Variants in TRABD2B observed in about 807,000 individuals in gnomAD.
TRABD2B encodes the protein TraB domain containing 2B.
Under a neutral mutation model 40.1 loss-of-function variants are expected in TRABD2B, and 14 were observed. The ratio of observed to expected loss-of-function variants is 0.35; its 90% CI spans 0.23 to 0.55. TRABD2B has a LOEUF of 0.55. TRABD2B is among the 20% of genes least tolerant of loss of function. The pLI is 0.90. For missense variants in TRABD2B, 541 were observed against 648.6 expected (o/e 0.83, Z 1.80); for synonymous variants, 263 against 277.0 (o/e 0.95, Z 0.50).
chr1:47,848,809 A>G (rs1645507250), intron 2 of TRABD2B, among the ~76,000 whole-genome samples: 1 of 152,210 alleles, frequency 6.6e-6, no homozygotes. Flanking sequence ...GTCTGGCTGT[A>G]TGGTTCTAAT....
At chr1:47,928,907 TG>T (rs1163820247) in intron 2 of TRABD2B, among the ~76,000 whole-genome samples, 2 of 152,252 alleles carry the variant, frequency 1.3e-5, no homozygotes, top group African/African-American at 2.4e-5. Flanking sequence ...CTGTTGGAAT[TG>T]ATCTCCCAGG....
At chr1:47,946,297 A>G (rs1267383855) in intron 2 of TRABD2B, among the ~76,000 whole-genome samples, 1 of 152,190 alleles carries the variant, frequency 6.6e-6, no homozygotes, top group African/African-American at 2.4e-5. Context: ...GTTCTTTATC[A>G]GATATGTAAT....
At chr1:47,845,341 G>C (rs1195146832) in intron 2 of TRABD2B, among the ~76,000 whole-genome samples, 3 of 152,092 alleles carry the variant, frequency 2.0e-5, no homozygotes, top group Non-Finnish European at 4.4e-5. Context: ...TTAATATTAG[G>C]ATAATAACAA....
chr1:47,782,081 A>G (rs905959024), intron 4 of TRABD2B, among the ~76,000 whole-genome samples: 1 of 152,166 alleles, frequency 6.6e-6, no homozygotes, highest in African/African-American at 2.4e-5. Context: ...CACAATGCTG[A>G]CCACTCTGGA....
chr1:47,843,179 G>A (rs1645422384), intron 2 of TRABD2B, among the ~76,000 whole-genome samples: 4 of 152,160 alleles, frequency 2.6e-5, no homozygotes. Flanking sequence ...TTTCCTTAGA[G>A]CAAGGAGGGA....
chr1:47,935,712 A>G (rs1237729886), intron 2 of TRABD2B, among the ~76,000 whole-genome samples: 1 of 152,218 alleles, frequency 6.6e-6, no homozygotes, highest in African/African-American at 2.4e-5. Flanking sequence ...TCCTACTTTT[A>G]AATACCATAT....
At chr1:47,940,506 G>A (rs1277666771) in intron 2 of TRABD2B, among the ~76,000 whole-genome samples, 3 of 152,238 alleles carry the variant, frequency 2.0e-5, no homozygotes, top group Non-Finnish European at 4.4e-5. Context: ...TCAAGCTGGA[G>A]CTGGTGCAGA....
At chr1:47,925,331 A>T (rs920562953) in intron 2 of TRABD2B, among the ~76,000 whole-genome samples, 1 of 152,252 alleles carries the variant, frequency 6.6e-6, no homozygotes, top group East Asian at 1.9e-4. Flanking sequence ...TAAGGAATTA[A>T]ATTGAAAAAA....
intron 2 of TRABD2B, among the ~76,000 whole-genome samples, chr1:47,983,762 A>G (rs940977836): frequency 6.6e-5 from 10 of 152,048 alleles, no homozygotes; most frequent in Non-Finnish European, 1.3e-4. Context: ...AAAAGAAAAA[A>G]AAAAAAAAAA....
chr1:47,945,143 T>C (rs1570341383), intron 2 of TRABD2B, among the ~76,000 whole-genome samples: 1 of 152,108 alleles, frequency 6.6e-6, no homozygotes, highest in African/African-American at 2.4e-5. Context: ...AAGAAGGAGT[T>C]GTGTGTGCAT....
intron 2 of TRABD2B, among the ~76,000 whole-genome samples, chr1:47,864,869 C>T (rs2124567876): frequency 6.6e-6 from 1 of 152,266 alleles, no homozygotes; most frequent in East Asian, 1.9e-4. Flanking sequence ...CTCAGTTACC[C>T]CAACAGCACC....
intron 2 of TRABD2B, among the ~76,000 whole-genome samples, chr1:47,841,460 C>T (rs1645396094): frequency 6.6e-6 from 1 of 152,234 alleles, no homozygotes; most frequent in Non-Finnish European, 1.5e-5. Context: ...CAACCCACCC[C>T]TATCTTCTTT....
intron 2 of TRABD2B, among the ~76,000 whole-genome samples, chr1:47,975,892 AG>A (rs1316913540): frequency 6.6e-6 from 1 of 152,196 alleles, no homozygotes; most frequent in Non-Finnish European, 1.5e-5. Context: ...GAGTGACAAG[AG>A]GAAGGACAGA....
chr1:47,949,401 C>CTTTTTTTT (rs35027686), intron 2 of TRABD2B, among the ~76,000 whole-genome samples: 36 of 80,282 alleles, frequency 4.5e-4, no homozygotes, highest in African/African-American at 6.6e-4. Context: ...TCTTTTCTTT[C>CTTTTTTTT]TTTTTTTTTT....
rs139761331 is a variant in TRABD2B at position 47,911,377 on chromosome 1, C to A, written c.666+82657G>T. Among the ~76,000 whole-genome samples, 76 of 152,304 alleles carry A rather than the reference C, an allele frequency of 5.0e-4. 1 individual carries two copies. The highest frequency in any genetic ancestry group is 3.4e-3 in the Middle Eastern group (1 of 294). Reference sequence around the variant, plus strand: ...CAGAAACTACTGGTGCAAGTTACAACCTTTTCCCCAGGCCTTTCCTATGAC... The same window carrying A: ...CAGAAACTACTGGTGCAAGTTACAAACTTTTCCCCAGGCCTTTCCTATGAC... On this transcript the variant is annotated intron_variant, in intron 2 of 6. Coordinates refer to ENST00000606738, the MANE Select transcript of TRABD2B (RefSeq NM_001194986.2).
At chr1:47,794,546 AG>A (rs1644719343) in intron 4 of TRABD2B, 39 bp downstream of exon 4, 3 of 1,483,094 alleles carry the variant, frequency 2.0e-6, no homozygotes, top group Non-Finnish European at 2.7e-6. Context: ...CAAATCTCCC[AG>A]GATTCTGCAA....
chr1:47,876,372 A>G (rs2124609556), intron 2 of TRABD2B, among the ~76,000 whole-genome samples: 1 of 152,356 alleles, frequency 6.6e-6, no homozygotes, highest in Middle Eastern at 3.4e-3. Context: ...GGGACTTCCC[A>G]TGGCAACCTG....
chr1:47,846,157 A>G (rs1645466007), intron 2 of TRABD2B, among the ~76,000 whole-genome samples: 1 of 152,260 alleles, frequency 6.6e-6, no homozygotes, highest in South Asian at 2.1e-4. Flanking sequence ...AAGAACCAGC[A>G]TATAGCTAAG....
intron 2 of TRABD2B, among the ~76,000 whole-genome samples, chr1:47,895,861 C>T (rs570248099): frequency 1.3e-5 from 2 of 152,242 alleles, no homozygotes; most frequent in Non-Finnish European, 2.9e-5. Context: ...CACTCCCAGG[C>T]CTGCCTCCTC....
Sources: gnomAD v4.1 joint callset for allele counts (sites outside exome capture counted in the v4.1 genomes callset) on GRCh38, gnomAD v4.1.1 for gene constraint, MANE v1.5 for transcripts, NCBI Gene and HGNC (gene_info 2026-07-23, HGNC 2026-07-21) for gene names.